The following FCRLB variants were observed in gnomAD, a reference collection of about 807,000 sequenced individuals.
FCRLB encodes the protein Fc receptor-like B.
Under a neutral mutation model 33.6 loss-of-function variants are expected in FCRLB, and 34 were observed. The ratio of observed to expected loss-of-function variants is 1.01; its 90% CI spans 0.77 to 1.35. The LOEUF (loss-of-function observed/expected upper bound fraction) is 1.35. FCRLB is among the 40% of genes most tolerant of loss of function. FCRLB has a pLI of 0.00. For synonymous variants in FCRLB, 280 were observed against 255.9 expected, an observed-to-expected ratio of 1.09 and a Z score of -0.90; for missense variants, 560 against 580.2, an observed-to-expected ratio of 0.97 and a Z score of 0.36.
At chr1:161,723,461 A>C (rs1683441368) in exon 5 of FCRLB, 2 of 1,613,928 alleles carry the variant, frequency 1.2e-6, no homozygotes, top group Non-Finnish European at 1.7e-6. Flanking sequence ...GATACCACCC[A>C]CTGCTCCTGG....
At position 161,726,219 on chromosome 1, in the gene FCRLB, C is replaced by T. The variant is rs759828210; in HGVS notation, c.574+132C>T. ...TGGAGGGTTTCTCTTAGACTATGGA[C>T]GCTGTCTCCTCTCCTTTGCCGTGAA... On this transcript the variant is annotated intron_variant, in intron 6 of 7. Coordinates refer to ENST00000367948, the Ensembl canonical transcript of FCRLB. This position sits in a 1 kb window ranked among gnomAD's most constrained non-coding sequence, Gnocchi z 5.2. 9.2e-6 allele frequency: 13 copies of T among 1,411,602 alleles called. 1 individual carries two copies. In the South Asian group the frequency reaches 1.3e-4, roughly 14 times the overall value. The allele number at this position is 1,411,602 out of a possible 1,614,324, so 87.4% of individuals were successfully genotyped here. A position where few individuals can be genotyped will look rare whatever the true frequency, so the allele number is the denominator to read the frequency against.
chr1:161,722,994 A>G (rs764353871), exon 4 of FCRLB: 5 of 1,613,606 alleles, frequency 3.1e-6, no homozygotes, highest in Non-Finnish European at 4.2e-6. Context: ...TGCAGTTCCA[A>G]GCAGTGGGCA....
At chr1:161,727,080 C>CCCG in intron 7 of FCRLB, 87 bp downstream of exon 7, 4 of 1,315,266 alleles carry the variant, frequency 3.0e-6, no homozygotes, top group Admixed American at 3.9e-5. Context: ...CCCCCGCCCC[C>CCCG]TGGTTCCCGT....
Position 161,727,231 on chromosome 1 carries a change from C to T in FCRLB, c.866-16C>T, listed in dbSNP as rs369091063. On this transcript the variant is annotated splice_polypyrimidine_tract_variant and intron_variant, in intron 7 of 7. Coordinates refer to ENST00000367948, the Ensembl canonical transcript of FCRLB. ...ACCATGCAAGCCGCGCGTGACTGGGCGTAATGCATTCACAGGTTCTCCCCT... is the reference window on the plus strand; with the variant it reads ...ACCATGCAAGCCGCGCGTGACTGGGTGTAATGCATTCACAGGTTCTCCCCT... 23 of 1,573,908 alleles carry T rather than the reference C, an allele frequency of 1.5e-5. No homozygotes were observed. Among genetic ancestry groups the T allele is most frequent in the Admixed American group, 3.5e-5 (2 of 56,826 alleles).
intron 3 of FCRLB, 52 bp downstream of exon 3, chr1:161,722,755 G>A (rs776268791): frequency 1.4e-5 from 23 of 1,608,092 alleles, no homozygotes; most frequent in Middle Eastern, 1.6e-4. Flanking sequence ...AGAATAGGGT[G>A]GACCAAGGTA....
At chr1:161,727,020 G>A (rs1477301501) in intron 7 of FCRLB, 27 bp downstream of exon 7, 18 of 1,473,420 alleles carry the variant, frequency 1.2e-5, no homozygotes, top group Non-Finnish European at 1.6e-5. Flanking sequence ...CCTCCCGGAC[G>A]CCGACCCTGG....
intron 5 of FCRLB, among the ~76,000 whole-genome samples, chr1:161,725,365 G>T (rs1006507366): frequency 3.9e-5 from 6 of 152,200 alleles, no homozygotes; most frequent in Non-Finnish European, 8.8e-5. Flanking sequence ...GGGAGGCCAG[G>T]CCCGGTGGCT....
intron 7 of FCRLB, 117 bp downstream of exon 7, chr1:161,727,110 A>T (rs6658140): frequency 0.29 from 251,327 of 866,800 alleles, 31,409 homozygotes; most frequent in African/African-American, 0.65. Flanking sequence ...CGCCTTTCCC[A>T]TCTCCCCTTC....
chr1:161,727,808 G>A, exon 8 of FCRLB: 1 of 957,944 alleles, frequency 1.0e-6, no homozygotes, highest in Non-Finnish European at 1.5e-6. Context: ...AGTGGCTGAC[G>A]ATTTCAACCT....
At chr1:161,723,298 C>T in intron 4 of FCRLB, 69 bp from the exon 5 acceptor site, 2 of 1,565,620 alleles carry the variant, frequency 1.3e-6, no homozygotes, top group African/African-American at 1.4e-5. Flanking sequence ...AAACTCAGGT[C>T]GTTTCTTTGG....
chr1:161,723,639 G>A lies in FCRLB; in HGVS notation c.307+18G>A, dbSNP rs538594471. 1.5e-5 allele frequency: 24 copies of A among 1,608,106 alleles called. No homozygotes were observed. The highest frequency in any genetic ancestry group is 3.3e-4 in the Middle Eastern group (2 of 6,036). On this transcript the variant is annotated intron_variant, in intron 5 of 7. Coordinates refer to ENST00000367948, the Ensembl canonical transcript of FCRLB. ...ATCCAATGGTGAGTGGACTGAGCAC[G>A]AGGGGAGGGGGAGCACGTGTCTCCT...
At chr1:161,723,128 C>A in intron 4 of FCRLB, 119 bp downstream of exon 4, 1 of 1,329,130 alleles carries the variant, frequency 7.5e-7, no homozygotes, top group Non-Finnish European at 1.1e-6. Flanking sequence ...TCTTCCCACT[C>A]TCGTCAACCC....
chr1:161,725,385 A>C (rs1170394662), intron 5 of FCRLB, among the ~76,000 whole-genome samples: 3 of 152,162 alleles, frequency 2.0e-5, no homozygotes, highest in Admixed American at 2.0e-4. Context: ...TCACGCCTGT[A>C]ATCCCACCAC....
intron 5 of FCRLB, among the ~76,000 whole-genome samples, chr1:161,725,009 C>G (rs1683493781): frequency 1.3e-5 from 2 of 152,148 alleles, no homozygotes; most frequent in Non-Finnish European, 2.9e-5. Flanking sequence ...GGGCTCAGAG[C>G]AGGGCCAGTT....
rs1159829164 is a variant in FCRLB at position 161,726,983 on chromosome 1, C to A, written c.855C>A (p.Leu285=). ...GGAAACGCAGTCCGTGGCTGCAGCT[C>A]CCGGGGCCGGGTGAGTGCCTGCACA... The change falls in exon 7 of 8, where the codon CTC becomes CTA. Residue 285 remains leucine, a synonymous_variant. Coordinates refer to ENST00000367948, the Ensembl canonical transcript of FCRLB. The surrounding 1 kb of genome is among the most constrained non-coding windows in gnomAD (Gnocchi z 5.2). 1 of 1,523,052 alleles carries A rather than the reference C, an allele frequency of 6.6e-7. No individual in the cohort carries two copies. The highest frequency in any genetic ancestry group is 8.8e-7 in the Non-Finnish European group (1 of 1,135,380). 94.3% of individuals were successfully genotyped at this position (1,523,052 alleles called of 1,614,324 possible).
rs372463922 is a variant in FCRLB at position 161,726,063 on chromosome 1, G to T, written c.550G>T (p.Ala184Ser). The change falls in exon 6 of 8, where the codon GCT becomes TCT. Residue 184 changes from alanine to serine, a missense_variant. Coordinates refer to ENST00000367948, the Ensembl canonical transcript of FCRLB. This position sits in a 1 kb window ranked among gnomAD's most constrained non-coding sequence, Gnocchi z 5.2. ...GGTGGAGAGCGCGCCCATGTTCTCCGCTAAGGTGGCTGTGACAGTGCAAGG... is the reference window on the plus strand; with the variant it reads ...GGTGGAGAGCGCGCCCATGTTCTCCTCTAAGGTGGCTGTGACAGTGCAAGG... The T allele has an allele frequency of 3.1e-6, 5 of 1,611,392 alleles. No individual in the cohort carries two copies. The African/African-American group carries it at 6.7e-5, about 22-fold the overall frequency.
exon 8 of FCRLB, chr1:161,727,393 G>C: frequency 1.9e-6 from 3 of 1,613,352 alleles, no homozygotes; most frequent in Non-Finnish European, 2.5e-6. Context: ...CACCTCCACC[G>C]GGCTGCAGTT....
chr1:161,726,483 C>T lies in FCRLB; in HGVS notation c.575-220C>T. The T allele has an allele frequency of 2.7e-6, 2 of 754,656 alleles. No individual in the cohort carries two copies. Among genetic ancestry groups the T allele is most frequent in the South Asian group, 3.0e-5 (2 of 67,774 alleles). 46.7% of individuals were successfully genotyped at this position (754,656 alleles called of 1,614,324 possible). A position where few individuals can be genotyped will look rare whatever the true frequency, so the allele number is the denominator to read the frequency against. The stretch of plus-strand genomic sequence containing the variant: ...TCGGGATGTGACATGAAGCGTCTGG[C>T]CTGGTCCCTCTTCCTTTCAAGCTTT... On this transcript the variant is annotated intron_variant, in intron 6 of 7. Transcript: ENST00000367948. The surrounding 1 kb of genome is among the most constrained non-coding windows in gnomAD (Gnocchi z 5.2).
rs1178747413 is a variant in FCRLB, at chr1:161,726,415, A to G, written c.575-288A>G. 1.4e-6 allele frequency: 1 copy of G among 717,436 alleles called. No homozygotes were observed. Among genetic ancestry groups the G allele is most frequent in the South Asian group, 1.5e-5 (1 of 67,060 alleles). The allele number at this position is 717,436 out of a possible 1,614,324, so 44.4% of individuals were successfully genotyped here. ...CCCTAGCGTCCTGCAAGGCAGGCGCAGCGTCTCCTATTCTAGGCTGCAGAA... is the reference window on the plus strand; with the variant it reads ...CCCTAGCGTCCTGCAAGGCAGGCGCGGCGTCTCCTATTCTAGGCTGCAGAA... On this transcript the variant is annotated intron_variant, in intron 6 of 7. Transcript: ENST00000367948. The surrounding 1 kb of genome is among the most constrained non-coding windows in gnomAD (Gnocchi z 5.2).
Sources: allele counts gnomAD v4.1 joint callset (sites outside exome capture counted in the v4.1 genomes callset), GRCh38; gene constraint gnomAD v4.1.1; non-coding constraint Gnocchi (gnomAD v3.1); transcripts MANE v1.5; gene names NCBI Gene and HGNC (gene_info 2026-07-23, HGNC 2026-07-21).